TRAF3IP1: variants seen among roughly 807,000 people sequenced by gnomAD.
TRAF3IP1 encodes intraflagellar transport 54, also known as TRAF3-interacting protein 1.
A neutral mutation model predicts 89.9 loss-of-function variants in TRAF3IP1; 53 were observed. That is an observed-to-expected ratio of 0.59 (90% CI 0.47 to 0.74). The LOEUF is 0.74. Ranked by LOEUF, TRAF3IP1 falls within the 30% of genes least tolerant of loss-of-function variation. TRAF3IP1 has a pLI of 0.00. For missense variants in TRAF3IP1, 806 were observed against 866.1 expected (o/e 0.93, Z 0.87); for synonymous variants, 311 against 322.1 (o/e 0.97, Z 0.37).
At chr2:238,327,173 T>C (rs1183027398) in intron 3 of TRAF3IP1, among the ~76,000 whole-genome samples, 6 of 152,192 alleles carry the variant, frequency 3.9e-5, no homozygotes, top group Non-Finnish European at 5.9e-5. Flanking sequence ...TGGCCGGCTG[T>C]CTCCCGTCGG....
chr2:238,323,118 G>A (rs962047245), intron 1 of TRAF3IP1, among the ~76,000 whole-genome samples: 7 of 147,508 alleles, frequency 4.7e-5, no homozygotes, highest in African/African-American at 1.8e-4. Flanking sequence ...TTGCTCTGTC[G>A]CCCAGGCTGG....
At chr2:238,384,149 A>G (rs926688408) in intron 15 of TRAF3IP1, among the ~76,000 whole-genome samples, 5 of 151,956 alleles carry the variant, frequency 3.3e-5, no homozygotes, top group Admixed American at 6.6e-5. Context: ...TGCCCTGGTC[A>G]GGCTGTCATC....
chr2:238,347,606 A>G, intron 10 of TRAF3IP1, 131 bp downstream of exon 10: 2 of 850,228 alleles, frequency 2.4e-6, no homozygotes, highest in Non-Finnish European at 3.8e-6. Context: ...GAAAAAGATC[A>G]TAACTACCCT....
intron 5 of TRAF3IP1, among the ~76,000 whole-genome samples, chr2:238,330,949 C>CT (rs1224068170): frequency 2.6e-5 from 4 of 152,070 alleles, no homozygotes; most frequent in Admixed American, 6.5e-5. Context: ...TCTTTTGCTC[C>CT]TTTTTAGAGG....
At chr2:238,369,294 C>T (rs1364469620) in intron 15 of TRAF3IP1, among the ~76,000 whole-genome samples, 4 of 152,174 alleles carry the variant, frequency 2.6e-5, no homozygotes, top group Non-Finnish European at 5.9e-5. Flanking sequence ...AAAGCATTCA[C>T]TTGTGAAAGA....
At position 238,352,739 on chromosome 2, in the gene TRAF3IP1, C is replaced by T. The variant is rs963869490; in HGVS notation, c.1452-88C>T. On this transcript the variant is annotated intron_variant, in intron 12 of 16. Transcript: ENST00000373327. ...GCTAGAGATGGTTGGTGATTAGATTCCTCTCTGCCGACCTCTGACACAGTT... is the reference window on the plus strand; with the variant it reads ...GCTAGAGATGGTTGGTGATTAGATTTCTCTCTGCCGACCTCTGACACAGTT... The T allele has an allele frequency of 8.3e-6, 11 of 1,320,408 alleles. No homozygotes were observed. The African/African-American group carries it at 1.2e-4, about 14-fold the overall frequency. 81.8% of individuals were successfully genotyped at this position (1,320,408 alleles called of 1,614,324 possible).
At chr2:238,323,500 CAGT>C (rs111231509) in intron 1 of TRAF3IP1, among the ~76,000 whole-genome samples, 1 of 152,310 alleles carries the variant, frequency 6.6e-6, no homozygotes, top group African/African-American at 2.4e-5. Context: ...TCAAGAAAAA[CAGT>C]AGCATAGCTC....
intron 15 of TRAF3IP1, among the ~76,000 whole-genome samples, chr2:238,384,092 C>T (rs2106368237): frequency 6.6e-6 from 1 of 152,214 alleles, no homozygotes; most frequent in East Asian, 1.9e-4. Context: ...ATGCATCCTC[C>T]TTGGCTCAGT....
chr2:238,327,524 T>C (rs1166296222), intron 3 of TRAF3IP1, among the ~76,000 whole-genome samples: 1 of 152,224 alleles, frequency 6.6e-6, no homozygotes, highest in Non-Finnish European at 1.5e-5. Flanking sequence ...AAGGAATTTT[T>C]GCGTTTGATG....
chr2:238,382,313 C>A (rs1205766488), intron 15 of TRAF3IP1, among the ~76,000 whole-genome samples: 5 of 152,108 alleles, frequency 3.3e-5, no homozygotes, highest in South Asian at 2.1e-4. Flanking sequence ...TGAGACACAT[C>A]CTGGTGGAAT....
In TRAF3IP1 at chr2:238,345,160, G is replaced by A. The variant is rs866542907; in HGVS notation, c.1261+562G>A. On this transcript the variant is annotated intron_variant, in intron 9 of 16. Transcript: ENST00000373327. This position sits in a 1 kb window ranked among gnomAD's most constrained non-coding sequence, Gnocchi z 4.7. ...AACCAAGGCTTGTGCAGGTGGCAGC[G>A]GCAGGGTGGGGTGTGGCCAGGGGAG... Among the ~76,000 whole-genome samples, 5 of 152,212 alleles carry A rather than the reference G, an allele frequency of 3.3e-5. No individual in the cohort carries two copies. Among genetic ancestry groups the A allele is most frequent in the East Asian group, 1.9e-4 (1 of 5,202 alleles).
At position 238,379,193 on chromosome 2, in the gene TRAF3IP1, G is replaced by A. The variant is rs564725053; in HGVS notation, c.1690-18266G>A. Reference sequence around the variant, plus strand: ...CTGGAGGCTGCTGGTCTCTCGGGCCGGACAACCCCCACCCCATTTAAGTCC... The same window carrying A: ...CTGGAGGCTGCTGGTCTCTCGGGCCAGACAACCCCCACCCCATTTAAGTCC... On this transcript the variant is annotated intron_variant, in intron 15 of 16. Coordinates refer to ENST00000373327, the MANE Select transcript of TRAF3IP1 (RefSeq NM_015650.4). The surrounding 1 kb of genome is among the most constrained non-coding windows in gnomAD (Gnocchi z 4.0). Among the ~76,000 whole-genome samples the A allele has an allele frequency of 7.2e-5, 11 of 152,294 alleles. No individual in the cohort carries two copies. Among genetic ancestry groups the A allele is most frequent in the South Asian group, 6.2e-4 (3 of 4,826 alleles).
At chr2:238,363,414 T>C (rs1454380180) in intron 15 of TRAF3IP1, among the ~76,000 whole-genome samples, 3 of 152,240 alleles carry the variant, frequency 2.0e-5, no homozygotes, top group African/African-American at 7.2e-5. Flanking sequence ...TGAAGTACTT[T>C]GTTACAATTT....
intron 15 of TRAF3IP1, among the ~76,000 whole-genome samples, chr2:238,358,781 T>C (rs1329825414): frequency 6.6e-6 from 1 of 152,242 alleles, no homozygotes; most frequent in Admixed American, 6.5e-5. Context: ...TGAAGCCTTA[T>C]AGTCCATTAT....
intron 15 of TRAF3IP1, among the ~76,000 whole-genome samples, chr2:238,388,653 A>C: frequency 7.3e-6 from 1 of 137,350 alleles, no homozygotes; most frequent in African/African-American, 2.7e-5. Context: ...GCTGGAGTGC[A>C]ATGGCGTGAT....
intron 7 of TRAF3IP1, among the ~76,000 whole-genome samples, chr2:238,337,383 G>A (rs1698434694): frequency 6.6e-6 from 1 of 152,220 alleles, no homozygotes; most frequent in Non-Finnish European, 1.5e-5. Context: ...AGGGGAAAGG[G>A]CCGGGCCAGG....
intron 6 of TRAF3IP1, among the ~76,000 whole-genome samples, chr2:238,333,728 G>C (rs917620987): frequency 6.6e-6 from 1 of 152,136 alleles, no homozygotes; most frequent in Non-Finnish European, 1.5e-5. Context: ...GACCTTTTTA[G>C]GGCTGTACAG....
At chr2:238,331,279 T>C (rs2106367203) in intron 5 of TRAF3IP1, among the ~76,000 whole-genome samples, 1 of 140,754 alleles carries the variant, frequency 7.1e-6, no homozygotes, top group South Asian at 2.2e-4. Flanking sequence ...GCCAACACGG[T>C]GATGAAACCC....
intron 15 of TRAF3IP1, among the ~76,000 whole-genome samples, chr2:238,388,805 A>G: frequency 6.6e-6 from 1 of 151,754 alleles, no homozygotes; most frequent in Non-Finnish European, 1.5e-5. Flanking sequence ...CTATGCCTGG[A>G]TAATTTTTTA....
Sources: gnomAD v4.1 joint callset for allele counts (sites outside exome capture counted in the v4.1 genomes callset) on GRCh38, gnomAD v4.1.1 for gene constraint, Gnocchi (gnomAD v3.1) non-coding constraint, MANE v1.5 for transcripts, NCBI Gene and HGNC (gene_info 2026-07-23, HGNC 2026-07-21) for gene names.